The following GPR107 variants were observed in gnomAD, a reference collection of about 807,000 sequenced individuals.
The protein encoded by GPR107 is G protein-coupled receptor 107.
In GPR107, 31 loss-of-function variants were observed where a neutral mutation model predicts 75.5. The observed-to-expected ratio is 0.41, with a 90% CI of 0.31 to 0.55. The LOEUF (loss-of-function observed/expected upper bound fraction) is 0.55. Ranked by LOEUF, GPR107 falls within the 20% of genes least tolerant of loss-of-function variation. The probability of loss-of-function intolerance (pLI) is 0.26; values close to 1 mark genes in which losing one functional copy is unlikely to be tolerated. For synonymous variants in GPR107, 267 were observed against 251.3 expected (o/e 1.06, Z -0.59); for missense variants, 572 against 665.7 (o/e 0.86, Z 1.55).
intron 14 of GPR107, among the ~76,000 whole-genome samples, chr9:130,123,835 A>T (rs1242149982): frequency 6.6e-6 from 1 of 152,094 alleles, no homozygotes; most frequent in East Asian, 1.9e-4. Flanking sequence ...ACTGCCAGAG[A>T]GGTTGCTAGG....
intron 1 of GPR107, 38 bp downstream of exon 1, chr9:130,054,111 G>A (rs1350045907): frequency 1.4e-6 from 2 of 1,405,036 alleles, no homozygotes; most frequent in Non-Finnish European, 9.2e-7. Flanking sequence ...GGCGGAGGCC[G>A]AGGCCACTCC....
chr9:130,125,089 G>GGTTT, intron 15 of GPR107, 125 bp downstream of exon 15: 3 of 100,670 alleles, frequency 3.0e-5, no homozygotes, highest in Non-Finnish European at 3.4e-5. Flanking sequence ...AGTGTGGCTT[G>GGTTT]CTTTTTTTTT....
intron 7 of GPR107, among the ~76,000 whole-genome samples, 191 bp from the exon 8 acceptor site, chr9:130,090,685 C>T (rs1381870973): frequency 6.6e-6 from 1 of 151,998 alleles, no homozygotes; most frequent in Non-Finnish European, 1.5e-5. Context: ...GTGGGAGAGT[C>T]GATAATTTAA....
At chr9:130,104,378 C>T in intron 12 of GPR107, 42 bp from the exon 13 acceptor site, 2 of 1,601,862 alleles carry the variant, frequency 1.2e-6, no homozygotes, top group South Asian at 1.1e-5. Context: ...TCATAACAGT[C>T]CACCCATGCT....
At chr9:130,108,537 C>T (rs1323644648) in intron 14 of GPR107, among the ~76,000 whole-genome samples, 1 of 152,190 alleles carries the variant, frequency 6.6e-6, no homozygotes, top group South Asian at 2.1e-4. Flanking sequence ...TGGAGGATCT[C>T]GCCAGTTTGG....
chr9:130,091,033 G>A (rs527848545), intron 8 of GPR107, 50 bp downstream of exon 8: 6 of 795,464 alleles, frequency 7.5e-6, no homozygotes, highest in Admixed American at 4.0e-5. Context: ...AGCATAAAAC[G>A]GGAGATTTGT....
At chr9:130,107,618 C>T (rs1831191487) in intron 14 of GPR107, 79 bp downstream of exon 14, 1 of 929,288 alleles carries the variant, frequency 1.1e-6, no homozygotes, top group Admixed American at 1.7e-5. Context: ...GGAGTGGAGG[C>T]AGCCTATGGT....
intron 7 of GPR107, 139 bp downstream of exon 7, chr9:130,086,615 C>T (rs1830621475): frequency 4.7e-6 from 3 of 642,514 alleles, no homozygotes; most frequent in South Asian, 3.7e-5. Flanking sequence ...CAGTAGCTCT[C>T]CTTATAACAA....
intron 14 of GPR107, among the ~76,000 whole-genome samples, chr9:130,123,463 A>G (rs1831598651): frequency 6.6e-6 from 1 of 151,504 alleles, no homozygotes; most frequent in Non-Finnish European, 1.5e-5. Context: ...CGGCCTCCCA[A>G]AGTGCTGGGA....
intron 1 of GPR107, among the ~76,000 whole-genome samples, chr9:130,057,501 T>TAAA (rs5900883): frequency 3.1e-4 from 42 of 134,918 alleles, no homozygotes; most frequent in East Asian, 8.7e-4. Flanking sequence ...CCCTATTTCT[T>TAAA]AAAAAAAAAA....
At chr9:130,111,583 A>G (rs1276366389) in intron 14 of GPR107, among the ~76,000 whole-genome samples, 1 of 152,200 alleles carries the variant, frequency 6.6e-6, no homozygotes, top group Non-Finnish European at 1.5e-5. Flanking sequence ...TTTTTAGTTT[A>G]GGTGCAGTCC....
Position 130,137,399 on chromosome 9 carries a change from C to G in GPR107, c.*2278C>G, listed in dbSNP as rs562591169. Reference sequence around the variant, plus strand: ...ACAGCATGGCCGAGTGTCTGCAGTGCTGGTCCTGACCCTTCCAGAGCAGCA... The same window carrying G: ...ACAGCATGGCCGAGTGTCTGCAGTGGTGGTCCTGACCCTTCCAGAGCAGCA... On this transcript the variant is annotated 3_prime_UTR_variant, in exon 18 of 18. Transcript: ENST00000347136. 2.0e-5 allele frequency: 3 copies of G among 152,390 alleles called. No homozygotes were observed. Among genetic ancestry groups the G allele is most frequent in the African/African-American group, 7.2e-5 (3 of 41,576 alleles). 9.4% of individuals were successfully genotyped at this position (152,390 alleles called of 1,614,324 possible). A position where few individuals can be genotyped will look rare whatever the true frequency, so the allele number is the denominator to read the frequency against.
chr9:130,082,316 T>G (rs755436740), intron 5 of GPR107, among the ~76,000 whole-genome samples: 15 of 152,198 alleles, frequency 9.9e-5, no homozygotes, highest in Non-Finnish European at 1.9e-4. Context: ...ACTGCATTTG[T>G]GCAATGGTGT....
At chr9:130,089,239 C>T (rs899623287) in intron 7 of GPR107, among the ~76,000 whole-genome samples, 6 of 152,256 alleles carry the variant, frequency 3.9e-5, no homozygotes, top group South Asian at 2.1e-4. Context: ...AGGATGCACA[C>T]GTGTCAGGCA....
intron 14 of GPR107, among the ~76,000 whole-genome samples, chr9:130,108,317 TAATA>T (rs903563462): frequency 6.6e-6 from 1 of 152,258 alleles, no homozygotes; most frequent in African/African-American, 2.4e-5. Flanking sequence ...AGGTTTTTGT[TAATA>T]AAGTTTTGTT....
intron 13 of GPR107, 117 bp from the exon 14 acceptor site, chr9:130,107,379 G>A (rs1181212647): frequency 1.4e-6 from 1 of 723,502 alleles, no homozygotes; most frequent in African/African-American, 1.7e-5. Context: ...CTAAAGTGAT[G>A]TAGTCCAACC....
In GPR107 at chr9:130,107,539, G is replaced by A. The variant is rs1432526860; in HGVS notation, c.1306G>A (p.Ala436Thr). 6.3e-7 allele frequency: 1 copy of A among 1,587,316 alleles called. No homozygotes were observed. Among genetic ancestry groups the A allele is most frequent in the East Asian group, 2.2e-5 (1 of 44,740 alleles). ...AGAAGCATCAGCAACAGATGGAAAA[G>A]GCAAGTTCTCTCGTGCTCATTTTGT... ...LQEASATDGK[A>T]AINLAKLKLF... Residue 436 changes from alanine to threonine, a missense_variant and splice_region_variant, in exon 14 of 18, where the codon GCT (alanine) becomes ACT (threonine). Transcript: ENST00000347136.
At chr9:130,099,336 G>A (rs1830957199) in intron 9 of GPR107, 121 bp from the exon 10 acceptor site, 1 of 616,870 alleles carries the variant, frequency 1.6e-6, no homozygotes, top group Non-Finnish European at 2.9e-6. Flanking sequence ...AAAGTTTCAT[G>A]TTTGTGGTTT....
intron 1 of GPR107, among the ~76,000 whole-genome samples, chr9:130,070,679 A>C (rs1006175802): frequency 1.3e-5 from 2 of 152,180 alleles, no homozygotes; most frequent in Non-Finnish European, 2.9e-5. Flanking sequence ...AAAGTATAAA[A>C]AAGTCAGTGC....
Sources: allele counts gnomAD v4.1 joint callset (sites outside exome capture counted in the v4.1 genomes callset), GRCh38; gene constraint gnomAD v4.1.1; transcripts MANE v1.5; gene names NCBI Gene and HGNC (gene_info 2026-07-23, HGNC 2026-07-21).